Variants in FAM168A observed in about 807,000 individuals in gnomAD.
The protein encoded by FAM168A is protein FAM168A.
In FAM168A, 3 loss-of-function variants were observed where a neutral mutation model predicts 28.5. That is an observed-to-expected ratio of 0.11 (90% CI 0.05 to 0.27). FAM168A has a LOEUF of 0.27. Among genes scored for constraint, FAM168A ranks in the 10% least tolerant of loss-of-function variants. The probability of loss-of-function intolerance (pLI) is 1.00; values close to 1 mark genes in which losing one functional copy is unlikely to be tolerated. For missense variants in FAM168A, 222 were observed against 311.5 expected, an observed-to-expected ratio of 0.71 and a Z score of 2.16; for synonymous variants, 122 against 124.2, an observed-to-expected ratio of 0.98 and a Z score of 0.12.
At chr11:73,528,534 T>C (rs1437997272) in intron 1 of FAM168A, among the ~76,000 whole-genome samples, 5 of 152,202 alleles carry the variant, frequency 3.3e-5, no homozygotes, top group African/African-American at 1.2e-4. Flanking sequence ...GTGGATGTGT[T>C]CCTCCTCTTA....
At chr11:73,546,132 TCATAAGCA>T (rs1565292568) in intron 1 of FAM168A, among the ~76,000 whole-genome samples, 1 of 152,162 alleles carries the variant, frequency 6.6e-6, no homozygotes, top group Non-Finnish European at 1.5e-5. Context: ...AAGACTAAGA[TCATAAGCA>T]CACAGATTGA....
intron 3 of FAM168A, among the ~76,000 whole-genome samples, chr11:73,422,330 G>T (rs1866808205): frequency 6.6e-6 from 1 of 151,944 alleles, no homozygotes; most frequent in Non-Finnish European, 1.5e-5. Flanking sequence ...ATTTTCTTCT[G>T]GTTTCTTTAC....
intron 1 of FAM168A, among the ~76,000 whole-genome samples, chr11:73,483,698 C>A (rs1326853947): frequency 1.3e-5 from 2 of 152,096 alleles, no homozygotes; most frequent in Admixed American, 1.3e-4. Flanking sequence ...TCTCTGTATG[C>A]AGGGCTTGAA....
chr11:73,477,404 T>C (rs1303839871), intron 1 of FAM168A, among the ~76,000 whole-genome samples: 2 of 149,896 alleles, frequency 1.3e-5, no homozygotes, highest in African/African-American at 2.5e-5. Flanking sequence ...TACCACAAAT[T>C]GAAAAAAAAA....
At chr11:73,471,015 C>T (rs1263348088) in intron 1 of FAM168A, among the ~76,000 whole-genome samples, 1 of 152,282 alleles carries the variant, frequency 6.6e-6, no homozygotes, top group East Asian at 1.9e-4. Context: ...TCCATGATAG[C>T]ACTCCATCAA....
intron 1 of FAM168A, among the ~76,000 whole-genome samples, chr11:73,581,302 C>A (rs576500500): frequency 6.6e-6 from 1 of 152,230 alleles, no homozygotes; most frequent in East Asian, 1.9e-4. Flanking sequence ...CGGACAGTAT[C>A]TTTAATAAAG....
At chr11:73,449,928 G>A (rs118026011) in intron 2 of FAM168A, among the ~76,000 whole-genome samples, 1 of 152,280 alleles carries the variant, frequency 6.6e-6, no homozygotes, top group Non-Finnish European at 1.5e-5. Flanking sequence ...AGCAGTAATA[G>A]CAAAAATCTG....
intron 1 of FAM168A, among the ~76,000 whole-genome samples, chr11:73,519,009 G>A (rs1205108832): frequency 6.6e-6 from 1 of 152,178 alleles, no homozygotes; most frequent in Non-Finnish European, 1.5e-5. Flanking sequence ...AGCAGATGCT[G>A]ATGCCATGCT....
At chr11:73,413,167 C>A (rs1182443436) in intron 4 of FAM168A, among the ~76,000 whole-genome samples, 3 of 152,138 alleles carry the variant, frequency 2.0e-5, no homozygotes, top group Non-Finnish European at 4.4e-5. Context: ...TTAGCACCCC[C>A]CTGCCCCTGA....
At chr11:73,438,959 C>T (rs958152853) in intron 2 of FAM168A, among the ~76,000 whole-genome samples, 11 of 151,736 alleles carry the variant, frequency 7.2e-5, no homozygotes, top group Non-Finnish European at 1.6e-4. Context: ...GCCTCACCCC[C>T]CCTTCTTTTC....
chr11:73,481,194 C>T (rs148293501), intron 1 of FAM168A, among the ~76,000 whole-genome samples: 1 of 152,312 alleles, frequency 6.6e-6, no homozygotes, highest in East Asian at 1.9e-4. Flanking sequence ...GCTGGGACTA[C>T]AGGCACGTGC....
At chr11:73,424,746 T>C (rs976783005) in intron 3 of FAM168A, among the ~76,000 whole-genome samples, 1 of 152,192 alleles carries the variant, frequency 6.6e-6, no homozygotes, top group Non-Finnish European at 1.5e-5. Context: ...ATTCATTTGT[T>C]TGTTTGAATT....
At chr11:73,446,192 ATCT>A (rs146488592) in intron 2 of FAM168A, among the ~76,000 whole-genome samples, 4,492 of 152,292 alleles carry the variant, frequency 0.029, 213 homozygotes, top group African/African-American at 0.1. Context: ...GATCAATCTA[ATCT>A]TCTGAATTTT....
intron 1 of FAM168A, among the ~76,000 whole-genome samples, chr11:73,531,152 A>G (rs1943509694): frequency 6.6e-6 from 1 of 152,202 alleles, no homozygotes; most frequent in East Asian, 1.9e-4. Context: ...GGCTTCCTAG[A>G]GAGTCTCATT....
In FAM168A at chr11:73,552,622, C is replaced by T. The variant is rs575588646; in HGVS notation, c.-19+45301G>A. 6.6e-4 allele frequency among the ~76,000 whole-genome samples: 101 copies of T among 152,076 alleles called. 1 individual carries two copies. In the South Asian group the frequency reaches 0.019, roughly 29 times the overall value. On this transcript the variant is annotated intron_variant, in intron 1 of 7. Transcript: ENST00000356467. ...CTAGTACTTAGCATAAAACCTGGCA[C>T]GAAAGAGGTACTCAATTAACATCTG...
At chr11:73,444,319 T>C (rs1363178025) in intron 2 of FAM168A, among the ~76,000 whole-genome samples, 1 of 152,244 alleles carries the variant, frequency 6.6e-6, no homozygotes. Context: ...GATTTTAAGA[T>C]TGTTTGATGA....
rs1019138150 is a variant in FAM168A, at chr11:73,573,038, T to C, written c.-19+24885A>G. ...CCATAAAATTAAGCATTCTAGCCGG[T>C]GGAAGCAGATCCCCCATTTGCCAGC... is the stretch of plus-strand genomic sequence containing the variant. On this transcript the variant is annotated intron_variant, in intron 1 of 7. Coordinates refer to ENST00000356467, the MANE Select transcript of FAM168A (RefSeq NM_015159.3). Among the ~76,000 whole-genome samples, 21 of 152,132 alleles carry C rather than the reference T, an allele frequency of 1.4e-4. 1 individual carries two copies. The highest frequency in any genetic ancestry group is 4.8e-4 in the African/African-American group (20 of 41,424).
chr11:73,479,751 A>G (rs891225290), intron 1 of FAM168A, among the ~76,000 whole-genome samples: 2 of 152,184 alleles, frequency 1.3e-5, no homozygotes, highest in African/African-American at 4.8e-5. Flanking sequence ...GAGATCAACA[A>G]ATTACCTCTT....
intron 2 of FAM168A, among the ~76,000 whole-genome samples, chr11:73,460,499 CTT>C (rs547956382): frequency 0.014 from 1,605 of 112,670 alleles, 12 homozygotes; most frequent in African/African-American, 0.05. Context: ...GCTACTAATG[CTT>C]TTTTTTTTTT....
Sources: gnomAD v4.1 joint callset for allele counts (sites outside exome capture counted in the v4.1 genomes callset) on GRCh38, gnomAD v4.1.1 for gene constraint, MANE v1.5 for transcripts, NCBI Gene and HGNC (gene_info 2026-07-23, HGNC 2026-07-21) for gene names.